STAG3: variants seen among roughly 807,000 people sequenced by gnomAD.
STAG3 encodes the protein STAG3 cohesin complex component, also known as cohesin subunit SA-3.
In STAG3, 101 loss-of-function variants were observed where a neutral mutation model predicts 160.7. That is an observed-to-expected ratio of 0.63 (90% CI 0.54 to 0.74). The LOEUF is 0.74. Ranked by LOEUF, STAG3 falls within the 30% of genes least tolerant of loss-of-function variation. STAG3 has a pLI of 0.00. For missense variants in STAG3, 1,188 were observed against 1,517.4 expected (o/e 0.78, Z 3.61); for synonymous variants, 519 against 585.0 (o/e 0.89, Z 1.63).
At chr7:100,186,690 AAGAG>A (rs926923459) in intron 5 of STAG3, among the ~76,000 whole-genome samples, 8 of 152,234 alleles carry the variant, frequency 5.3e-5, no homozygotes, top group Non-Finnish European at 7.3e-5. Context: ...TTCAAAAAAA[AAGAG>A]AGAAAAGTTT....
intron 29 of STAG3, among the ~76,000 whole-genome samples, chr7:100,206,680 C>T (rs1374660443): frequency 1.3e-5 from 2 of 152,018 alleles, no homozygotes; most frequent in Non-Finnish European, 2.9e-5. Flanking sequence ...CCATGTTGGC[C>T]AGGCTGGTCT....
chr7:100,214,750 C>G (rs913363396), downstream of STAG3, among the ~76,000 whole-genome samples: 26 of 152,038 alleles, frequency 1.7e-4, no homozygotes, highest in East Asian at 3.9e-4. Flanking sequence ...ATCCTCATCC[C>G]AAAGATACCT....
Position 100,200,936 on chromosome 7 carries a change from C to A in STAG3, c.2028C>A (p.Asp676Glu), listed in dbSNP as rs571811746. The change falls in exon 19 of 34, where the codon GAC (aspartate) becomes GAA (glutamate). Residue 676 changes from aspartate (D) to glutamate (E), a missense_variant. Physicochemically the swap from Asp to Glu is conservative, Grantham distance 45. Around this residue, in one of 4 missense-constraint regions of STAG3, gnomAD observed 647 missense variants for 717.2 expected, o/e 0.90. Coordinates refer to ENST00000615138, the MANE Select transcript of STAG3 (RefSeq NM_001282717.2). ...GCCAGCTAGTAGATTTGCTGACTGA[C>A]CGCTTCCAGCAGGAGCTTGAAGAGC... ...ARSQLVDLLT[D>E]RFQQELEELL... is the part of the protein sequence containing the mutation. 2 of 1,614,088 alleles carry A rather than the reference C, an allele frequency of 1.2e-6. No homozygotes were observed. Among genetic ancestry groups the A allele is most frequent in the African/African-American group, 1.3e-5 (1 of 74,934 alleles).
chr7:100,215,931 T>G (rs1041460953), downstream of STAG3, among the ~76,000 whole-genome samples: 8 of 152,302 alleles, frequency 5.3e-5, no homozygotes, highest in African/African-American at 1.4e-4. Context: ...GGTTCACACT[T>G]GGAACCCGGT....
At chr7:100,182,693 T>C in intron 3 of STAG3, 30 bp from the exon 4 acceptor site, 1 of 1,607,526 alleles carries the variant, frequency 6.2e-7, no homozygotes, top group African/African-American at 1.3e-5. Flanking sequence ...TGTTTTTTTT[T>C]CATATTTCTG....
intron 11 of STAG3, 96 bp from the exon 12 acceptor site, chr7:100,197,991 T>C (rs1800799377): frequency 1.3e-6 from 2 of 1,490,636 alleles, no homozygotes; most frequent in Non-Finnish European, 1.9e-6. Context: ...CATCTGCCTC[T>C]ACGTAGGCAC....
rs1300832098 is a variant in STAG3, at chr7:100,198,601, A to G, written c.1352+19A>G. ...ACTGGAAGTGAGTGGGGCTCCTTTTATGTTTCTTTAACACCACGCTCTCGG... is the reference window on the plus strand; with the variant it reads ...ACTGGAAGTGAGTGGGGCTCCTTTTGTGTTTCTTTAACACCACGCTCTCGG... On this transcript the variant is annotated intron_variant, in intron 13 of 33. Transcript: ENST00000615138. The G allele has an allele frequency of 1.9e-6, 3 of 1,605,160 alleles. No individual in the cohort carries two copies. The highest frequency in any genetic ancestry group is 2.6e-6 in the Non-Finnish European group (3 of 1,173,160).
intron 1 of STAG3, among the ~76,000 whole-genome samples, chr7:100,179,679 G>C (rs1799516154): frequency 6.6e-6 from 1 of 152,182 alleles, no homozygotes; most frequent in Non-Finnish European, 1.5e-5. Flanking sequence ...CTGCTGGCCA[G>C]TTTCTGGGGT....
At chr7:100,211,406 T>TC in intron 30 of STAG3, 29 bp from the exon 31 acceptor site, 1 of 1,607,418 alleles carries the variant, frequency 6.2e-7, no homozygotes, top group Non-Finnish European at 8.5e-7. Context: ...TTGATTTTTA[T>TC]CCCATCATTG....
At chr7:100,202,721 G>C in intron 25 of STAG3, 131 bp downstream of exon 25, 2 of 1,170,696 alleles carry the variant, frequency 1.7e-6, no homozygotes, top group Non-Finnish European at 2.3e-6. Flanking sequence ...AGGAGGGAAA[G>C]GCACTGGGAG....
Sources: gnomAD v4.1 joint callset for allele counts (sites outside exome capture counted in the v4.1 genomes callset) on GRCh38, gnomAD v4.1.1 for gene constraint, gnomAD v4.1.1 regional missense constraint, MANE v1.5 for transcripts, NCBI Gene and HGNC (gene_info 2026-07-23, HGNC 2026-07-21) for gene names.